Variants in EPHB1 observed in about 807,000 individuals in gnomAD.
EPHB1 encodes the protein ephrin type-B receptor 1.
A neutral mutation model predicts 94.4 loss-of-function variants in EPHB1; 30 were observed. The observed-to-expected ratio is 0.32, with a 90% CI of 0.24 to 0.43. The LOEUF (loss-of-function observed/expected upper bound fraction) is 0.43. EPHB1 is among the 20% of genes least tolerant of loss of function. The probability of loss-of-function intolerance (pLI) is 1.00; values close to 1 mark genes in which losing one functional copy is unlikely to be tolerated. For missense variants in EPHB1, 1,055 were observed against 1,308.3 expected (o/e 0.81, Z 2.99); for synonymous variants, 522 against 489.1 (o/e 1.07, Z -0.89).
At chr3:134,796,021 G>A (rs1578090365) in intron 1 of EPHB1, 1 of 402,532 alleles carries the variant, frequency 2.5e-6, no homozygotes, top group Admixed American at 4.9e-5. Context: ...TTAGCTCTGG[G>A]GCAGAGCCAG....
At chr3:135,252,331 CATAAGGT>C (rs1383928599) in intron 15 of EPHB1, among the ~76,000 whole-genome samples, 1 of 149,508 alleles carries the variant, frequency 6.7e-6, no homozygotes, top group Non-Finnish European at 1.5e-5. Flanking sequence ...CGTCATCTAG[CATAAGGT>C]ATATCTCCCA....
chr3:134,958,446 G>GTGTGTGTGTGTGTGTGTGTT (rs1216880112), intron 3 of EPHB1, among the ~76,000 whole-genome samples: 1 of 148,200 alleles, frequency 6.7e-6, no homozygotes. Context: ...GTGTGTGTGT[G>GTGTGTGTGTGTGTGTGTGTT]TGTGAGGCCT....
intron 12 of EPHB1, among the ~76,000 whole-genome samples, chr3:135,209,867 G>A (rs964901156): frequency 1.3e-5 from 2 of 152,180 alleles, no homozygotes; most frequent in African/African-American, 4.8e-5. Flanking sequence ...GATGCATCAG[G>A]AGGCTACGGG....
At chr3:134,824,257 G>A (rs1472182607) in intron 1 of EPHB1, among the ~76,000 whole-genome samples, 4 of 149,944 alleles carry the variant, frequency 2.7e-5, no homozygotes, top group African/African-American at 9.8e-5. Flanking sequence ...AGATGACAAT[G>A]AGGCGGAGCC....
chr3:135,223,607 A>G (rs1943322118), intron 12 of EPHB1, among the ~76,000 whole-genome samples: 1 of 152,208 alleles, frequency 6.6e-6, no homozygotes, highest in South Asian at 2.1e-4. Flanking sequence ...GAGATTGTCC[A>G]TATTGCATTT....
chr3:135,048,876 C>T (rs1426838343), intron 3 of EPHB1, among the ~76,000 whole-genome samples: 2 of 152,210 alleles, frequency 1.3e-5, no homozygotes, highest in Non-Finnish European at 2.9e-5. Context: ...TCAGTTAATT[C>T]CTGCTTGCTT....
chr3:135,043,553 C>G (rs1268345203), intron 3 of EPHB1, among the ~76,000 whole-genome samples: 1 of 152,128 alleles, frequency 6.6e-6, no homozygotes. Flanking sequence ...ACCATCTTCT[C>G]TGCTTTGACT....
intron 1 of EPHB1, among the ~76,000 whole-genome samples, chr3:134,800,882 T>C (rs1043606866): frequency 3.3e-5 from 5 of 152,206 alleles, no homozygotes; most frequent in Admixed American, 1.3e-4. Context: ...GACTGAGATA[T>C]ATAATAGTTA....
At chr3:135,162,507 C>T (rs1278831379) in intron 7 of EPHB1, among the ~76,000 whole-genome samples, 1 of 152,172 alleles carries the variant, frequency 6.6e-6, no homozygotes, top group Non-Finnish European at 1.5e-5. Flanking sequence ...GTTTCACCCT[C>T]ACGCCCACTT....
rs773064927 is a variant in EPHB1, at chr3:134,925,837, C to T, written c.80C>T (p.Thr27Met). Residue 27 changes from threonine to methionine, a missense_variant, in exon 2 of 16, where the codon ACG becomes ATG. Transcript: ENST00000398015. ...AMEETLMDTR[T>M]ATAELGWTAN... ...ACAGAAACGTTAATGGACACCAGAA[C>T]GGCTACTGCAGAGCTGGGCTGGACG... The T allele has an allele frequency of 1.1e-4, 180 of 1,603,664 alleles. No individual in the cohort carries two copies. Among genetic ancestry groups the T allele is most frequent in the African/African-American group, 1.3e-4 (10 of 74,652 alleles).
intron 3 of EPHB1, among the ~76,000 whole-genome samples, chr3:135,099,780 C>G (rs1173000752): frequency 6.6e-6 from 1 of 152,238 alleles, no homozygotes. Flanking sequence ...AACACCACAC[C>G]TATCACACAA....
intron 1 of EPHB1, among the ~76,000 whole-genome samples, chr3:134,833,761 A>G (rs1286795047): frequency 6.6e-6 from 1 of 152,116 alleles, no homozygotes; most frequent in East Asian, 1.9e-4. Context: ...GGGATGAAGG[A>G]TAAAGGGCGT....
Position 134,925,892 on chromosome 3 carries a change from A to G in EPHB1, c.123+12A>G, listed in dbSNP as rs760733419. The G allele has an allele frequency of 1.9e-6, 3 of 1,593,662 alleles. No individual in the cohort carries two copies. The Admixed American group carries it at 5.2e-5, about 28-fold the overall frequency. ...ATCCTGCGTCCGGGGTGAGTATCAA[A>G]CCATTCGTCTTTCAGTCCTGCTATG... On this transcript the variant is annotated intron_variant, in intron 2 of 15. Coordinates refer to ENST00000398015, the MANE Select transcript of EPHB1 (RefSeq NM_004441.5).
intron 3 of EPHB1, chr3:135,067,971 G>A (rs1038242592): frequency 6.6e-6 from 1 of 152,212 alleles, no homozygotes; most frequent in African/African-American, 2.4e-5. Flanking sequence ...CCAGTAGTAG[G>A]GGTGTGTTCA....
intron 3 of EPHB1, among the ~76,000 whole-genome samples, chr3:135,078,499 G>A (rs987760235): frequency 2.4e-4 from 37 of 152,182 alleles, no homozygotes; most frequent in African/African-American, 2.2e-4. Context: ...ACCCTCTTGC[G>A]CCCTCTGCCC....
At chr3:135,177,332 CTTT>C (rs1383483785) in intron 9 of EPHB1, among the ~76,000 whole-genome samples, 1 of 152,186 alleles carries the variant, frequency 6.6e-6, no homozygotes, top group Non-Finnish European at 1.5e-5. Flanking sequence ...CCTGCTGTCC[CTTT>C]TGCATTCTGA....
intron 11 of EPHB1, among the ~76,000 whole-genome samples, chr3:135,197,355 T>C (rs1157111781): frequency 6.6e-6 from 1 of 152,156 alleles, no homozygotes; most frequent in East Asian, 1.9e-4. Flanking sequence ...AGCTAGAAGA[T>C]AGCAACCCAG....
chr3:135,165,902 T>A, intron 7 of EPHB1, 66 bp from the exon 8 acceptor site: 1 of 1,132,830 alleles, frequency 8.8e-7, no homozygotes, highest in South Asian at 1.3e-5. Flanking sequence ...TTTGGTATTG[T>A]GCACTGAGTA....
intron 3 of EPHB1, among the ~76,000 whole-genome samples, chr3:135,097,831 C>T (rs550594775): frequency 6.6e-6 from 1 of 152,336 alleles, no homozygotes. Context: ...AAATGCGCTC[C>T]AGCCCTCCTC....
Sources: allele counts gnomAD v4.1 joint callset (sites outside exome capture counted in the v4.1 genomes callset), GRCh38; gene constraint gnomAD v4.1.1; transcripts MANE v1.5; gene names NCBI Gene and HGNC (gene_info 2026-07-23, HGNC 2026-07-21).